Variants in TMEM74 observed in about 807,000 individuals in gnomAD.
The protein encoded by TMEM74 is transmembrane protein 74.
Under a neutral mutation model 18.1 loss-of-function variants are expected in TMEM74, and 13 were observed. That is an observed-to-expected ratio of 0.72 (90% CI 0.47 to 1.14). The LOEUF (loss-of-function observed/expected upper bound fraction) is 1.14, where lower values mean the gene tolerates loss of function less well. TMEM74 is among the 50% of genes most tolerant of loss of function. TMEM74 has a pLI of 0.00. For synonymous variants in TMEM74, 159 were observed against 146.6 expected, an observed-to-expected ratio of 1.08 and a Z score of -0.61; for missense variants, 372 against 375.9, an observed-to-expected ratio of 0.99 and a Z score of 0.09.
chr8:108,760,196 G>C (rs1240394288), intron 1 of TMEM74, among the ~76,000 whole-genome samples: 2 of 151,828 alleles, frequency 1.3e-5, no homozygotes, highest in Non-Finnish European at 2.9e-5. Flanking sequence ...GGGAGAGAGA[G>C]AGAGAGAGAC....
chr8:108,762,366 T>C lies in TMEM74; in HGVS notation n.119+25110A>G, dbSNP rs185549879. On this transcript the variant is annotated intron_variant and non_coding_transcript_variant, in intron 1 of 3. Coordinates refer to the TMEM74 transcript ENST00000518838. ...AGGACAAATAGCTGATTCTCATGAA[T>C]AAGCTGAAAATCCTCAAAGCACAGT... Among the ~76,000 whole-genome samples, 6 of 152,274 alleles carry C rather than the reference T, an allele frequency of 3.9e-5. No homozygotes were observed. The East Asian group carries it at 1.2e-3, about 29-fold the overall frequency.
chr8:108,632,584 A>G (rs1465231068), intron 2 of TMEM74, among the ~76,000 whole-genome samples: 6 of 152,058 alleles, frequency 3.9e-5, no homozygotes, highest in Non-Finnish European at 8.8e-5. Flanking sequence ...AAAGAAAGAA[A>G]TAAGTGAAAG....
At chr8:108,713,933 A>G (rs2130625519) in intron 1 of TMEM74, among the ~76,000 whole-genome samples, 1 of 152,326 alleles carries the variant, frequency 6.6e-6, no homozygotes, top group Non-Finnish European at 1.5e-5. Flanking sequence ...TTGGAATTTA[A>G]AGGCCAGGGA....
At chr8:108,697,987 C>T (rs924689569) in intron 1 of TMEM74, among the ~76,000 whole-genome samples, 1 of 152,116 alleles carries the variant, frequency 6.6e-6, no homozygotes, top group African/African-American at 2.4e-5. Context: ...GAGTGCCTGC[C>T]CTGAGTGCCT....
At chr8:108,738,300 A>G (rs966989376) in intron 1 of TMEM74, among the ~76,000 whole-genome samples, 2 of 152,176 alleles carry the variant, frequency 1.3e-5, no homozygotes, top group African/African-American at 4.8e-5. Context: ...TAGTGCAGAA[A>G]CAGTCCATTT....
intron 1 of TMEM74, among the ~76,000 whole-genome samples, chr8:108,661,026 A>C (rs1472313261): frequency 2.0e-5 from 3 of 152,188 alleles, no homozygotes; most frequent in African/African-American, 7.2e-5. Context: ...GAGATTGACT[A>C]GGATGATACT....
At chr8:108,730,148 T>G (rs2130638203) in intron 1 of TMEM74, among the ~76,000 whole-genome samples, 1 of 152,340 alleles carries the variant, frequency 6.6e-6, no homozygotes, top group Admixed American at 6.5e-5. Flanking sequence ...CTAGTCTTTC[T>G]GTAACTTAAC....
At chr8:108,711,681 G>T (rs1294057502) in intron 1 of TMEM74, among the ~76,000 whole-genome samples, 2 of 152,176 alleles carry the variant, frequency 1.3e-5, no homozygotes, top group Non-Finnish European at 2.9e-5. Flanking sequence ...AAAACCTCTA[G>T]GCATGGATCT....
intron 1 of TMEM74, among the ~76,000 whole-genome samples, chr8:108,667,432 G>A (rs1387046826): frequency 6.6e-6 from 1 of 152,144 alleles, no homozygotes; most frequent in Non-Finnish European, 1.5e-5. Context: ...CAGTTACTGA[G>A]TAATTTTTGA....
intron 1 of TMEM74, among the ~76,000 whole-genome samples, chr8:108,785,957 CCA>C (rs1390002739): frequency 6.6e-6 from 1 of 152,166 alleles, no homozygotes; most frequent in African/African-American, 2.4e-5. Context: ...ACCCACTCCT[CCA>C]CACACACACC....
At chr8:108,758,119 C>T (rs1813999461) in intron 1 of TMEM74, among the ~76,000 whole-genome samples, 1 of 151,970 alleles carries the variant, frequency 6.6e-6, no homozygotes, top group Non-Finnish European at 1.5e-5. Context: ...GTAAATTTAA[C>T]AGACTTCCAG....
intron 1 of TMEM74, among the ~76,000 whole-genome samples, chr8:108,695,743 A>G (rs1409524939): frequency 6.6e-6 from 1 of 152,108 alleles, no homozygotes; most frequent in Non-Finnish European, 1.5e-5. Flanking sequence ...TCCCTTTCTA[A>G]GGAACTAAAA....
chr8:108,729,696 T>G (rs950397975), intron 1 of TMEM74, among the ~76,000 whole-genome samples: 2 of 152,242 alleles, frequency 1.3e-5, no homozygotes, highest in African/African-American at 2.4e-5. Flanking sequence ...CTAAATATCA[T>G]TCATTTTCTT....
chr8:108,768,033 G>T (rs1230633095), intron 1 of TMEM74, among the ~76,000 whole-genome samples: 1 of 152,052 alleles, frequency 6.6e-6, no homozygotes, highest in Non-Finnish European at 1.5e-5. Flanking sequence ...CCAATTTTGG[G>T]CTGAGAGAAT....
intron 2 of TMEM74, among the ~76,000 whole-genome samples, chr8:108,630,692 T>A (rs769685876): frequency 6.6e-6 from 1 of 152,054 alleles, no homozygotes; most frequent in Non-Finnish European, 1.5e-5. Context: ...GAGGACTACA[T>A]GGAAATAGTG....
rs1222978436 is a variant in TMEM74 at position 108,638,638 on chromosome 8, C to A, written n.264+16655G>T. Among the ~76,000 whole-genome samples the A allele has an allele frequency of 2.6e-5, 4 of 151,188 alleles. No homozygotes were observed. The East Asian group carries it at 7.8e-4, about 29-fold the overall frequency. ...CACAACTATAATTCCATAACATATT[C>A]AGCTACACTAGGTAGGAAGCTTGAA... On this transcript the variant is annotated intron_variant and non_coding_transcript_variant, in intron 2 of 3. Coordinates refer to the TMEM74 transcript ENST00000518838.
intron 2 of TMEM74, among the ~76,000 whole-genome samples, chr8:108,641,581 C>A (rs1812665230): frequency 6.6e-6 from 1 of 152,082 alleles, no homozygotes; most frequent in African/African-American, 2.4e-5. Context: ...CAGCTTTGCC[C>A]ATAATTCTGC....
intron 1 of TMEM74, among the ~76,000 whole-genome samples, chr8:108,766,568 T>C (rs554242655): frequency 6.6e-6 from 1 of 152,166 alleles, no homozygotes; most frequent in East Asian, 1.9e-4. Flanking sequence ...ACTTTCACAA[T>C]AGAGCCTCAA....
chr8:108,662,374 A>T (rs1812909255), intron 1 of TMEM74, among the ~76,000 whole-genome samples: 1 of 152,156 alleles, frequency 6.6e-6, no homozygotes, highest in Non-Finnish European at 1.5e-5. Flanking sequence ...TCGTTGAAAG[A>T]CAGACATTAA....
Sources: gnomAD v4.1 joint callset for allele counts (sites outside exome capture counted in the v4.1 genomes callset) on GRCh38, gnomAD v4.1.1 for gene constraint, MANE v1.5 for transcripts, NCBI Gene and HGNC (gene_info 2026-07-23, HGNC 2026-07-21) for gene names.